Variants in PIGU observed in about 807,000 individuals in gnomAD.
PIGU encodes the protein GPI-anchor transamidase component PIGU.
In PIGU, 24 loss-of-function variants were observed where a neutral mutation model predicts 49.9. The observed-to-expected ratio is 0.48, with a 90% CI of 0.35 to 0.68. The LOEUF (loss-of-function observed/expected upper bound fraction) is 0.68. Among genes scored for constraint, PIGU ranks in the 30% least tolerant of loss-of-function variants. The pLI, the probability that PIGU is intolerant of heterozygous loss-of-function variation, is 0.01. For synonymous variants in PIGU, 220 were observed against 205.7 expected (o/e 1.07, Z -0.59); for missense variants, 490 against 532.6 (o/e 0.92, Z 0.79).
intron 10 of PIGU, among the ~76,000 whole-genome samples, chr20:34,576,357 T>C (rs1178168644): frequency 2.6e-5 from 4 of 152,228 alleles, no homozygotes; most frequent in Non-Finnish European, 5.9e-5. Flanking sequence ...ATTGCTACTA[T>C]AGCAAATTCC....
At chr20:34,602,788 G>A (rs1600619267) in intron 7 of PIGU, among the ~76,000 whole-genome samples, 1 of 152,142 alleles carries the variant, frequency 6.6e-6, no homozygotes, top group Non-Finnish European at 1.5e-5. Flanking sequence ...AAGGTCGAGA[G>A]AAAGAACTTT....
chr20:34,620,341 G>A (rs1985158274), intron 6 of PIGU, among the ~76,000 whole-genome samples: 1 of 152,042 alleles, frequency 6.6e-6, no homozygotes, highest in Non-Finnish European at 1.5e-5. Context: ...TATTCCTTCT[G>A]CCCAAGCCAT....
chr20:34,582,948 C>A (rs6088529), intron 9 of PIGU, among the ~76,000 whole-genome samples: 42,863 of 151,908 alleles, frequency 0.28, 7,679 homozygotes, highest in Admixed American at 0.5. Flanking sequence ...TGGATCTATA[C>A]CCTCCTCAGC....
At chr20:34,562,399 G>T (rs1330084493) in intron 11 of PIGU, 1 of 1,277,138 alleles carries the variant, frequency 7.8e-7, no homozygotes, top group East Asian at 5.6e-5. Context: ...CTGGGATCTA[G>T]ACCTCCAGAC....
chr20:34,650,698 C>CT (rs1568658806), intron 2 of PIGU, among the ~76,000 whole-genome samples: 3 of 43,948 alleles, frequency 6.8e-5, no homozygotes, highest in African/African-American at 7.9e-5. Context: ...TTCTTTTTTT[C>CT]TCTTTTTTTT....
intron 6 of PIGU, among the ~76,000 whole-genome samples, chr20:34,628,609 G>A (rs1373932750): frequency 6.6e-6 from 1 of 152,054 alleles, no homozygotes; most frequent in Non-Finnish European, 1.5e-5. Flanking sequence ...CCAGCACTTT[G>A]GGAGGCCAAG....
rs1268902858 is a variant in PIGU at position 34,669,424 on chromosome 20, T to TCA, written c.130+7531_130+7532insTG. On this transcript the variant is annotated intron_variant, in intron 1 of 11. Coordinates refer to ENST00000217446, the MANE Select transcript of PIGU (RefSeq NM_080476.5). ...ACTCATGCCTGTAATCCCAGCACTT[T>TCA]GGGAGGCAGAGGCAGGTAGATCACT... 2.3e-4 allele frequency among the ~76,000 whole-genome samples: 35 copies of TCA among 152,132 alleles called. No individual in the cohort carries two copies. The East Asian group carries it at 5.6e-3, about 24-fold the overall frequency.
chr20:34,561,757 C>G (rs1184994715), intron 11 of PIGU, among the ~76,000 whole-genome samples: 1 of 152,058 alleles, frequency 6.6e-6, no homozygotes, highest in African/African-American at 2.4e-5. Flanking sequence ...CACCTCACCC[C>G]ACGGCAGGAT....
chr20:34,585,326 C>G, intron 9 of PIGU, 111 bp downstream of exon 9: 1 of 1,334,572 alleles, frequency 7.5e-7, no homozygotes, highest in African/African-American at 1.5e-5. Flanking sequence ...GTGAGATGCT[C>G]TAAACCTGAC....
At chr20:34,608,023 A>AT (rs1291356587) in intron 7 of PIGU, among the ~76,000 whole-genome samples, 5 of 143,746 alleles carry the variant, frequency 3.5e-5, no homozygotes, top group East Asian at 2.1e-4. Flanking sequence ...TGGTCTATGT[A>AT]TTTTTTCTCT....
rs1378616031 is a variant in PIGU at position 34,588,512 on chromosome 20, A to G, written c.723T>C (p.Ile241=). Residue 241 remains isoleucine, a synonymous_variant, in exon 8 of 12, where the codon ATT becomes ATC. Coordinates refer to ENST00000217446, the MANE Select transcript of PIGU (RefSeq NM_080476.5). ...MMYVGSLVVI[I]CLSFFLLSSW... is the part of the protein sequence containing the mutation. ...AGCTGAGAAGGAAGAAGGAGAGGCA[A>G]ATGATTACCACTAGGCTTCCCACAT... 1 of 1,613,842 alleles carries G rather than the reference A, an allele frequency of 6.2e-7. No individual in the cohort carries two copies. Among genetic ancestry groups the G allele is most frequent in the Non-Finnish European group, 8.5e-7 (1 of 1,179,822 alleles).
At chr20:34,582,112 G>A (rs1435937708) in intron 9 of PIGU, among the ~76,000 whole-genome samples, 7 of 152,194 alleles carry the variant, frequency 4.6e-5, no homozygotes, top group African/African-American at 1.7e-4. Flanking sequence ...CCTTGCTGAT[G>A]CCTTTTTTCT....
Position 34,603,993 on chromosome 20 carries a change from C to T in PIGU, c.627+12049G>A, listed in dbSNP as rs1218692106. 2.0e-5 allele frequency among the ~76,000 whole-genome samples: 3 copies of T among 152,052 alleles called. No homozygotes were observed. The East Asian group carries it at 5.8e-4, about 29-fold the overall frequency. On this transcript the variant is annotated intron_variant, in intron 7 of 11. Coordinates refer to ENST00000217446, the MANE Select transcript of PIGU (RefSeq NM_080476.5). The stretch of plus-strand genomic sequence containing the variant: ...GAGGGTACGCTCTGCCTAAAGGGGA[C>T]AGATCTTACAATTCCTCAAAAGGAG...
intron 11 of PIGU, among the ~76,000 whole-genome samples, chr20:34,570,168 C>T (rs996679629): frequency 6.6e-6 from 1 of 152,206 alleles, no homozygotes; most frequent in Non-Finnish European, 1.5e-5. Flanking sequence ...TCCTCTCTCA[C>T]ATATGAGCAA....
intron 7 of PIGU, among the ~76,000 whole-genome samples, chr20:34,603,804 AC>A (rs1241968138): frequency 6.6e-6 from 1 of 151,624 alleles, no homozygotes; most frequent in Non-Finnish European, 1.5e-5. Flanking sequence ...TAATTTGGGC[AC>A]TAAGAATGTT....
At position 34,560,778 on chromosome 20, in the gene PIGU, C is replaced by A. The variant is rs182600789; in HGVS notation, c.*88G>T. ...CTCGAACCTCTTCTGCCCAAGCACT[C>A]GCCTGCTGGCAACTCTGGCTGGAGG... On this transcript the variant is annotated 3_prime_UTR_variant, in exon 12 of 12. Transcript: ENST00000217446. 12 of 1,006,790 alleles carry A rather than the reference C, an allele frequency of 1.2e-5. No individual in the cohort carries two copies. The African/African-American group carries it at 2.0e-4, about 17-fold the overall frequency. The allele number at this position is 1,006,790 out of a possible 1,614,324, so 62.4% of individuals were successfully genotyped here.
intron 11 of PIGU, among the ~76,000 whole-genome samples, chr20:34,565,025 G>A (rs562950846): frequency 1.3e-5 from 2 of 152,324 alleles, no homozygotes; most frequent in African/African-American, 2.4e-5. Context: ...CATTTGGGCC[G>A]TGAGGAGAGC....
chr20:34,594,210 C>T (rs1600610303), intron 7 of PIGU, among the ~76,000 whole-genome samples: 1 of 152,258 alleles, frequency 6.6e-6, no homozygotes, highest in East Asian at 1.9e-4. Flanking sequence ...TACATACATA[C>T]TTCAATAATT....
intron 1 of PIGU, among the ~76,000 whole-genome samples, chr20:34,672,855 TC>T (rs202079196): frequency 0.082 from 7,799 of 95,110 alleles, 469 homozygotes; most frequent in East Asian, 0.19. Flanking sequence ...ACCCTGTCTC[TC>T]AAAAAAAAAA....
Sources: allele counts gnomAD v4.1 joint callset (sites outside exome capture counted in the v4.1 genomes callset), GRCh38; gene constraint gnomAD v4.1.1; transcripts MANE v1.5; gene names NCBI Gene and HGNC (gene_info 2026-07-23, HGNC 2026-07-21).